Variants in ANO6 observed in about 807,000 individuals in gnomAD.
ANO6 encodes the protein anoctamin-6.
A neutral mutation model predicts 117.5 loss-of-function variants in ANO6; 106 were observed. The ratio of observed to expected loss-of-function variants is 0.90; its 90% CI spans 0.77 to 1.06. The LOEUF is 1.06. Ranked by LOEUF, ANO6 falls within the 50% of genes least tolerant of loss-of-function variation. The pLI, the probability that ANO6 is intolerant of heterozygous loss-of-function variation, is 0.00. For synonymous variants in ANO6, 367 were observed against 385.1 expected (o/e 0.95, Z 0.55); for missense variants, 955 against 1,121.1 (o/e 0.85, Z 2.12).
At chr12:45,350,837 A>T in intron 7 of ANO6, 63 bp downstream of exon 7, 3 of 1,319,100 alleles carry the variant, frequency 2.3e-6, no homozygotes, top group Non-Finnish European at 3.2e-6. Context: ...ACAGCATCTG[A>T]ATGTGACAGT....
chr12:45,375,636 A>C (rs1941989313), intron 9 of ANO6, among the ~76,000 whole-genome samples: 2 of 152,158 alleles, frequency 1.3e-5, no homozygotes, highest in African/African-American at 4.8e-5. Flanking sequence ...TGGTGCTGGG[A>C]AAACTGGCTA....
chr12:45,318,915 C>CTGTT (rs1232225224), intron 2 of ANO6, among the ~76,000 whole-genome samples: 6 of 151,822 alleles, frequency 4.0e-5, no homozygotes, highest in East Asian at 3.9e-4. Flanking sequence ...ATTTGGCTCT[C>CTGTT]TGTCTGTTAT....
chr12:45,259,912 C>A (rs1045216614), intron 1 of ANO6, among the ~76,000 whole-genome samples: 8 of 152,256 alleles, frequency 5.3e-5, no homozygotes, highest in Non-Finnish European at 1.5e-5. Flanking sequence ...CCCACAGGCA[C>A]TGTAGGTCAG....
chr12:45,333,950 T>C (rs1940751167), intron 3 of ANO6, among the ~76,000 whole-genome samples: 1 of 152,048 alleles, frequency 6.6e-6, no homozygotes, highest in Non-Finnish European at 1.5e-5. Context: ...ATCTAAAGGA[T>C]ATTGTTAAAC....
intron 1 of ANO6, among the ~76,000 whole-genome samples, chr12:45,252,219 A>C (rs915635119): frequency 5.9e-5 from 9 of 152,188 alleles, no homozygotes; most frequent in South Asian, 2.1e-4. Context: ...CACACACACA[A>C]AAAAATTTAG....
At chr12:45,342,138 A>G (rs887364817) in intron 3 of ANO6, among the ~76,000 whole-genome samples, 4 of 152,164 alleles carry the variant, frequency 2.6e-5, no homozygotes, top group African/African-American at 7.2e-5. Flanking sequence ...TCTAGCCACT[A>G]TGCCCAGGAG....
intron 8 of ANO6, 144 bp from the exon 9 acceptor site, chr12:45,367,544 A>G: frequency 4.7e-6 from 3 of 642,580 alleles, no homozygotes; most frequent in Non-Finnish European, 7.9e-6. Context: ...AATTTTATGT[A>G]ACAAAGTTTT....
At chr12:45,341,747 G>A (rs1793024492) in intron 3 of ANO6, among the ~76,000 whole-genome samples, 1 of 152,146 alleles carries the variant, frequency 6.6e-6, no homozygotes, top group South Asian at 2.1e-4. Context: ...AGGGTCATTG[G>A]GTGCATGGTG....
At chr12:45,361,373 T>G (rs933336298) in intron 8 of ANO6, among the ~76,000 whole-genome samples, 3 of 152,148 alleles carry the variant, frequency 2.0e-5, no homozygotes, top group African/African-American at 4.8e-5. Context: ...TGCTTTTTTG[T>G]ATATTGATTT....
At chr12:45,237,738 T>C (rs1029079932) in intron 1 of ANO6, among the ~76,000 whole-genome samples, 2 of 152,224 alleles carry the variant, frequency 1.3e-5, no homozygotes, top group African/African-American at 4.8e-5. Context: ...AACTTTAAAG[T>C]AGTTTTTTCC....
intron 1 of ANO6, among the ~76,000 whole-genome samples, chr12:45,232,496 G>A (rs111485089): frequency 0.011 from 1,658 of 152,326 alleles, 30 homozygotes; most frequent in African/African-American, 0.036. Context: ...CTCACTGGGA[G>A]ATGGCTGACA....
In ANO6 at chr12:45,308,048, A is replaced by ATTTTTTTTTTTTTTTT. The variant is rs1218638312; in HGVS notation, c.150+5964_150+5979dup. 1.0e-4 allele frequency among the ~76,000 whole-genome samples: 7 copies of ATTTTTTTTTTTTTTTT among 69,296 alleles called. 1 individual carries two copies. Among genetic ancestry groups the ATTTTTTTTTTTTTTTT allele is most frequent in the Non-Finnish European group, 1.5e-4 (6 of 39,104 alleles). The allele number at this position is 69,296 out of a possible 152,430, so 45.5% of individuals were successfully genotyped here. On this transcript the variant is annotated intron_variant, in intron 2 of 19. Coordinates refer to ENST00000320560, the MANE Select transcript of ANO6 (RefSeq NM_001025356.3). Reference sequence around the variant, plus strand: ...GTGTGTGTCTGTGTGTGTGTGTGTAATTTTTTTTTTTTTTTTTTTTTTTTG... The same window carrying ATTTTTTTTTTTTTTTT: ...GTGTGTGTCTGTGTGTGTGTGTGTAATTTTTTTTTTTTTTTTTTTTTTTTTTTTTTTTTTTTTTTTG...
At chr12:45,305,012 C>T (rs1939621909) in intron 2 of ANO6, among the ~76,000 whole-genome samples, 1 of 152,186 alleles carries the variant, frequency 6.6e-6, no homozygotes, top group African/African-American at 2.4e-5. Flanking sequence ...TTACATGTCA[C>T]CTGCATATCT....
At chr12:45,332,016 A>G (rs1454774640) in intron 3 of ANO6, among the ~76,000 whole-genome samples, 2 of 151,964 alleles carry the variant, frequency 1.3e-5, no homozygotes, top group Non-Finnish European at 2.9e-5. Context: ...CCTCCCTTTC[A>G]TTCATTGCAT....
At chr12:45,292,752 G>C in intron 1 of ANO6, 1 of 1,421,818 alleles carries the variant, frequency 7.0e-7, no homozygotes, top group Non-Finnish European at 9.3e-7. Context: ...ACCAAACATG[G>C]AAATGTTACA....
In ANO6 at chr12:45,430,244, T is replaced by C. The variant is rs1943601556; in HGVS notation, c.*933T>C. 1.2e-5 allele frequency: 12 copies of C among 985,468 alleles called. No homozygotes were observed. Among genetic ancestry groups the C allele is most frequent in the Non-Finnish European group, 1.4e-5 (12 of 829,948 alleles). 61.0% of individuals were successfully genotyped at this position (985,468 alleles called of 1,614,324 possible). ...ATAAGCCCCTCAATTTTCTACCAGT[T>C]GACTTTTATTCATTAGATACAGAAG... On this transcript the variant is annotated 3_prime_UTR_variant, in exon 20 of 20. Coordinates refer to ENST00000320560, the MANE Select transcript of ANO6 (RefSeq NM_001025356.3).
chr12:45,330,150 AC>A lies in ANO6; in HGVS notation c.151-1143del, dbSNP rs568983063. On this transcript the variant is annotated intron_variant, in intron 2 of 19. Coordinates refer to ENST00000320560, the MANE Select transcript of ANO6 (RefSeq NM_001025356.3). ...CAGCATTCATTCTGCTGGTGAAAAA[AC>A]CTGCCAATTAGGAACTTCAGATACT... Among the ~76,000 whole-genome samples, 88 of 152,174 alleles carry A rather than the reference AC, an allele frequency of 5.8e-4. 2 individuals carry two copies. In the East Asian group the frequency reaches 0.017, roughly 29 times the overall value.
chr12:45,218,800 C>T lies in ANO6; in HGVS notation c.70+2409C>T, dbSNP rs111733381. Among the ~76,000 whole-genome samples the T allele has an allele frequency of 4.5e-4, 69 of 152,234 alleles. 1 individual carries two copies. Among genetic ancestry groups the T allele is most frequent in the African/African-American group, 1.6e-3 (68 of 41,536 alleles). ...CCTCTGCCTTTAATTTTGCAATGCA[C>T]GTCTGTATTTACGCTATTAACTAAT... On this transcript the variant is annotated intron_variant, in intron 1 of 19. Coordinates refer to ENST00000320560, the MANE Select transcript of ANO6 (RefSeq NM_001025356.3).
At chr12:45,221,554 GA>G (rs1947399310) in intron 1 of ANO6, among the ~76,000 whole-genome samples, 1 of 152,188 alleles carries the variant, frequency 6.6e-6, no homozygotes, top group African/African-American at 2.4e-5. Context: ...GGATGTTAAT[GA>G]AAAGAGTGAT....
Sources: allele counts gnomAD v4.1 joint callset (sites outside exome capture counted in the v4.1 genomes callset), GRCh38; gene constraint gnomAD v4.1.1; transcripts MANE v1.5; gene names NCBI Gene and HGNC (gene_info 2026-07-23, HGNC 2026-07-21).